Variants in DAB1 observed in about 807,000 individuals in gnomAD.
DAB1 encodes the protein DAB adaptor protein 1.
Under a neutral mutation model 64.6 loss-of-function variants are expected in DAB1, and 15 were observed. The observed-to-expected ratio is 0.23, with a 90% CI of 0.16 to 0.36. The LOEUF (loss-of-function observed/expected upper bound fraction) is 0.36, where lower values mean the gene tolerates loss of function less well. Ranked by LOEUF, DAB1 falls within the 10% of genes least tolerant of loss-of-function variation. The pLI, the probability that DAB1 is intolerant of heterozygous loss-of-function variation, is 1.00. For synonymous variants in DAB1, 235 were observed against 251.9 expected (o/e 0.93, Z 0.64); for missense variants, 596 against 706.7 (o/e 0.84, Z 1.78).
chr1:58,035,156 CAGAA>C (rs1647025982), intron 5 of DAB1, among the ~76,000 whole-genome samples: 1 of 152,146 alleles, frequency 6.6e-6, no homozygotes, highest in Non-Finnish European at 1.5e-5. Context: ...GACAGAGAGG[CAGAA>C]AGAGAGAGCA....
intron 3 of DAB1, among the ~76,000 whole-genome samples, chr1:58,496,659 T>A (rs572271823): frequency 2.5e-4 from 38 of 152,304 alleles, no homozygotes; most frequent in African/African-American, 9.1e-4. Flanking sequence ...TAAATAAGAT[T>A]ATCCTCATTT....
chr1:57,714,462 A>G (rs1009249116), intron 6 of DAB1, among the ~76,000 whole-genome samples: 13 of 152,206 alleles, frequency 8.5e-5, no homozygotes, highest in Non-Finnish European at 2.9e-5. Context: ...CTGTTCATAA[A>G]ACAGGGAAGC....
At chr1:58,500,935 G>A (rs940888777) in intron 3 of DAB1, among the ~76,000 whole-genome samples, 6 of 151,978 alleles carry the variant, frequency 3.9e-5, no homozygotes, top group African/African-American at 1.2e-4. Flanking sequence ...CTCTTTCAAC[G>A]ACAAATTATA....
At chr1:58,243,458 T>C (rs1660389818) in intron 4 of DAB1, among the ~76,000 whole-genome samples, 2 of 152,154 alleles carry the variant, frequency 1.3e-5, no homozygotes, top group African/African-American at 2.4e-5. Context: ...GCTAAATAAA[T>C]GAAAAGGTTG....
At chr1:57,196,177 T>G (rs954915222) in intron 2 of DAB1, among the ~76,000 whole-genome samples, 1 of 152,204 alleles carries the variant, frequency 6.6e-6, no homozygotes, top group Admixed American at 6.5e-5. Context: ...TGTCTCAAAA[T>G]GTAGACTTTA....
intron 4 of DAB1, among the ~76,000 whole-genome samples, chr1:58,331,038 C>A (rs1030023617): frequency 1.3e-5 from 2 of 152,094 alleles, no homozygotes; most frequent in African/African-American, 4.8e-5. Context: ...TGGATCTGGG[C>A]AAAGTAAACT....
At chr1:57,359,032 T>C (rs976971930) in intron 1 of DAB1, among the ~76,000 whole-genome samples, 2 of 152,058 alleles carry the variant, frequency 1.3e-5, no homozygotes, top group African/African-American at 4.8e-5. Context: ...TCCATGACAC[T>C]GGATTCGGCA....
At chr1:57,391,943 T>C (rs1372818172) in intron 1 of DAB1, among the ~76,000 whole-genome samples, 3 of 152,168 alleles carry the variant, frequency 2.0e-5, no homozygotes, top group Non-Finnish European at 2.9e-5. Flanking sequence ...CATTTGTCTC[T>C]CCTAGATAAG....
At chr1:57,733,118 G>A (rs1647517967) in intron 6 of DAB1, among the ~76,000 whole-genome samples, 1 of 152,062 alleles carries the variant, frequency 6.6e-6, no homozygotes, top group Admixed American at 6.6e-5. Flanking sequence ...AGGGGAAAAA[G>A]TGAAGATAAG....
At chr1:57,503,711 T>A (rs1330367460) in intron 7 of DAB1, among the ~76,000 whole-genome samples, 1 of 152,246 alleles carries the variant, frequency 6.6e-6, no homozygotes, top group East Asian at 1.9e-4. Context: ...TTACTCAAGG[T>A]CTTTCTTCAT....
At chr1:58,156,871 GAA>G (rs1426570141) in intron 4 of DAB1, among the ~76,000 whole-genome samples, 1 of 152,180 alleles carries the variant, frequency 6.6e-6, no homozygotes, top group East Asian at 1.9e-4. Flanking sequence ...CAAGCTAAGA[GAA>G]GGAATTTCAA....
chr1:58,223,879 G>A (rs908164684), intron 4 of DAB1, among the ~76,000 whole-genome samples: 1 of 152,242 alleles, frequency 6.6e-6, no homozygotes. Flanking sequence ...ATTTTCTGCT[G>A]GGTTGGATGT....
At chr1:58,019,910 A>G (rs1000788986) in intron 5 of DAB1, among the ~76,000 whole-genome samples, 3 of 152,206 alleles carry the variant, frequency 2.0e-5, no homozygotes, top group Non-Finnish European at 2.9e-5. Context: ...CACTGTGAGT[A>G]GAGTAATAAG....
chr1:58,513,668 G>T (rs1290407939), intron 2 of DAB1, among the ~76,000 whole-genome samples: 1 of 152,026 alleles, frequency 6.6e-6, no homozygotes, highest in African/African-American at 2.4e-5. Flanking sequence ...GAAATATCTG[G>T]GTTCAAAATA....
At chr1:58,047,337 A>T (rs1299920083) in intron 5 of DAB1, among the ~76,000 whole-genome samples, 1 of 152,240 alleles carries the variant, frequency 6.6e-6, no homozygotes, top group Admixed American at 6.5e-5. Flanking sequence ...TATCATTTCA[A>T]CAAGTGGCAC....
chr1:58,501,253 T>C (rs1046338979), intron 3 of DAB1, among the ~76,000 whole-genome samples: 2 of 152,210 alleles, frequency 1.3e-5, no homozygotes, highest in African/African-American at 4.8e-5. Flanking sequence ...AGCAAAGGTT[T>C]GCTTTTTTTT....
intron 1 of DAB1, among the ~76,000 whole-genome samples, chr1:57,423,540 A>G (rs1685095563): frequency 6.6e-6 from 1 of 151,838 alleles, no homozygotes. Context: ...ACAGCGGGAG[A>G]AGGCAGGCTC....
intron 1 of DAB1, among the ~76,000 whole-genome samples, chr1:57,396,394 T>C (rs1297592384): frequency 4.6e-5 from 7 of 152,226 alleles, no homozygotes; most frequent in Non-Finnish European, 1.0e-4. Context: ...TTGGTTATTT[T>C]GTTTTGTTTT....
intron 9 of DAB1, among the ~76,000 whole-genome samples, chr1:57,028,510 G>T (rs1318529828): frequency 6.6e-6 from 1 of 152,152 alleles, no homozygotes; most frequent in East Asian, 1.9e-4. Flanking sequence ...TTTGGAACTG[G>T]GTAACAGGCA....
Sources: gnomAD v4.1 joint callset for allele counts (sites outside exome capture counted in the v4.1 genomes callset) on GRCh38, gnomAD v4.1.1 for gene constraint, MANE v1.5 for transcripts, NCBI Gene and HGNC (gene_info 2026-07-23, HGNC 2026-07-21) for gene names.